The following GUCY2F variants were observed in gnomAD, a reference collection of about 807,000 sequenced individuals.
GUCY2F encodes guanylate cyclase 2F, retinal, also known as retinal guanylyl cyclase 2.
A neutral mutation model predicts 73.1 loss-of-function variants in GUCY2F; 61 were observed. The observed-to-expected ratio is 0.83, with a 90% CI of 0.68 to 1.03. The LOEUF (loss-of-function observed/expected upper bound fraction) is 1.03, where lower values mean the gene tolerates loss of function less well. Among genes scored for constraint, GUCY2F ranks in the 50% least tolerant of loss-of-function variants. GUCY2F has a pLI of 0.00. For missense variants in GUCY2F, 912 were observed against 854.3 expected (o/e 1.07, Z -0.84); for synonymous variants, 331 against 307.8 (o/e 1.08, Z -0.79).
intron 8 of GUCY2F, among the ~76,000 whole-genome samples, chrX:109,427,721 T>G (rs773609219): frequency 7.1e-5 from 8 of 112,313 alleles, no homozygotes; most frequent in Non-Finnish European, 1.3e-4. Context: ...ACATGGTAAA[T>G]TCTAGAAAAT....
chrX:109,401,902 C>T (rs1282093664), intron 10 of GUCY2F, among the ~76,000 whole-genome samples: 10 of 110,848 alleles, frequency 9.0e-5, no homozygotes, highest in Non-Finnish European at 1.9e-4. Flanking sequence ...AAGAGACAGC[C>T]TGGTGTAATG....
At chrX:109,390,154 T>C (rs182262793) in intron 14 of GUCY2F, among the ~76,000 whole-genome samples, 9 of 111,165 alleles carry the variant, frequency 8.1e-5, no homozygotes, top group African/African-American at 2.9e-4. Context: ...GATGAGGAGA[T>C]TAGAAGAGCA....
chrX:109,376,397 G>T (rs1162342975), intron 17 of GUCY2F, among the ~76,000 whole-genome samples: 3 of 111,897 alleles, frequency 2.7e-5, no homozygotes, highest in Admixed American at 1.9e-4. Context: ...TGGATGTTTG[G>T]CTTGACAGCA....
intron 17 of GUCY2F, among the ~76,000 whole-genome samples, chrX:109,381,099 G>C (rs1051148660): frequency 1.8e-5 from 2 of 111,986 alleles, no homozygotes; most frequent in Non-Finnish European, 3.8e-5. Flanking sequence ...GAAAAAACTA[G>C]GACTAGCCAT....
chrX:109,390,396 G>A (rs1295353554), intron 14 of GUCY2F, among the ~76,000 whole-genome samples: 1 of 111,809 alleles, frequency 8.9e-6, no homozygotes, highest in African/African-American at 3.3e-5. Flanking sequence ...AATTTTACAG[G>A]TAAAGAAAAT....
chrX:109,442,438 G>A (rs932336281), intron 6 of GUCY2F, among the ~76,000 whole-genome samples: 1 of 111,184 alleles, frequency 9.0e-6, no homozygotes, highest in Non-Finnish European at 1.9e-5. Context: ...GAAGTACATC[G>A]GGACTGGGAC....
At chrX:109,386,986 C>T (rs945180090) in intron 15 of GUCY2F, among the ~76,000 whole-genome samples, 5 of 111,956 alleles carry the variant, frequency 4.5e-5, no homozygotes, top group African/African-American at 1.6e-4. Flanking sequence ...GTGCTAAGAA[C>T]TCTGGATACA....
At chrX:109,463,673 G>A (rs1411956498) in intron 3 of GUCY2F, among the ~76,000 whole-genome samples, 4 of 110,873 alleles carry the variant, frequency 3.6e-5, no homozygotes, top group Admixed American at 9.5e-5. Flanking sequence ...TCCTGACCTC[G>A]TGATCCACCC....
chrX:109,453,718 G>T lies in GUCY2F; in HGVS notation c.1174C>A (p.Gln392Lys), dbSNP rs2147277655. The T allele has an allele frequency of 1.7e-6, 2 of 1,202,072 alleles. No individual in the cohort carries two copies. Among genetic ancestry groups the T allele is most frequent in the East Asian group, 3.0e-5 (1 of 33,813 alleles). ...CCATTTGAATCTGTCCTCATCAACT[G>T]GTTGAATCCATGGAACTGCATGTTT... Reference protein sequence around the residue: ...SRNMQFHGFNQLMRTDSNGNG... With the variant: ...SRNMQFHGFNKLMRTDSNGNG... Residue 392 changes from glutamine to lysine, a missense_variant, in exon 4 of 20, where the codon CAG becomes AAG. Gln to Lys is a moderately conservative substitution (Grantham distance 53, BLOSUM62 1). Coordinates refer to ENST00000218006, the MANE Select transcript of GUCY2F (RefSeq NM_001522.3).
chrX:109,455,853 T>C (rs1932247043), intron 3 of GUCY2F, among the ~76,000 whole-genome samples: 1 of 111,995 alleles, frequency 8.9e-6, no homozygotes, highest in Admixed American at 9.5e-5. Context: ...ATATCTCCAC[T>C]TGGATGTTAA....
intron 2 of GUCY2F, among the ~76,000 whole-genome samples, chrX:109,467,141 C>T (rs943404424): frequency 8.9e-6 from 1 of 112,439 alleles, no homozygotes; most frequent in Non-Finnish European, 1.9e-5. Context: ...TTTATAATCA[C>T]ACATTGTATC....
intron 16 of GUCY2F, among the ~76,000 whole-genome samples, chrX:109,384,237 G>A (rs1461132304): frequency 8.9e-6 from 1 of 112,398 alleles, no homozygotes; most frequent in Non-Finnish European, 1.9e-5. Context: ...TCAGGGACTA[G>A]TTTGAGTACA....
In GUCY2F at chrX:109,448,127, T is replaced by C. The variant is rs759484693; in HGVS notation, c.1511A>G (p.Asn504Ser). The C allele has an allele frequency of 1.2e-5, 13 of 1,120,555 alleles. No homozygotes were observed. The Admixed American group carries it at 2.2e-4, about 19-fold the overall frequency. 92.3% of individuals were successfully genotyped at this position (1,120,555 alleles called of 1,213,427 possible). A position where few individuals can be genotyped will look rare whatever the true frequency, so the allele number is the denominator to read the frequency against. The change falls in exon 6 of 20, where the codon AAT becomes AGT. Residue 504 changes from asparagine to serine, a missense_variant. Physicochemically the swap from Asn to Ser is conservative, Grantham distance 46 (BLOSUM62 1). Coordinates refer to ENST00000218006, the MANE Select transcript of GUCY2F (RefSeq NM_001522.3). ...ATCCTCCAAAGTCAGTAGAATTCTA[T>C]TGGGTCCTTTGATCAACTGGATTTT... ...INKIQLIKGPNRILLTLEDVT... is the reference protein window; with the variant it reads ...INKIQLIKGPSRILLTLEDVT...
At chrX:109,423,274 C>T (rs1413552497) in intron 8 of GUCY2F, among the ~76,000 whole-genome samples, 5 of 111,625 alleles carry the variant, frequency 4.5e-5, no homozygotes, top group Non-Finnish European at 9.4e-5. Flanking sequence ...TCTTTGCTTC[C>T]AGTCTGTAAA....
intron 2 of GUCY2F, among the ~76,000 whole-genome samples, chrX:109,470,636 C>T (rs1408829958): frequency 2.7e-5 from 3 of 111,001 alleles, no homozygotes; most frequent in East Asian, 2.8e-4. Context: ...CAGTGTGGTC[C>T]GTGGACCAGC....
intron 12 of GUCY2F, among the ~76,000 whole-genome samples, chrX:109,394,546 A>G (rs912686123): frequency 8.9e-6 from 1 of 112,216 alleles, no homozygotes; most frequent in African/African-American, 3.2e-5. Flanking sequence ...TACTCCAGCC[A>G]GGCACAAAAG....
intron 7 of GUCY2F, among the ~76,000 whole-genome samples, chrX:109,431,165 C>T (rs1027978321): frequency 1.8e-5 from 2 of 111,544 alleles, no homozygotes; most frequent in East Asian, 5.6e-4. Flanking sequence ...AAGGATTCAT[C>T]AGTCATAAAG....
chrX:109,463,847 A>T (rs1024280060), intron 3 of GUCY2F, among the ~76,000 whole-genome samples: 6 of 111,954 alleles, frequency 5.4e-5, no homozygotes, highest in African/African-American at 1.6e-4. Flanking sequence ...CCTTGGGACC[A>T]TAAGAGGAAC....
At position 109,441,367 on chromosome X, in the gene GUCY2F, T is replaced by C; in HGVS notation, c.1685A>G (p.Asn562Ser). 1.7e-6 allele frequency: 2 copies of C among 1,151,720 alleles called. No individual in the cohort carries two copies. Among genetic ancestry groups the C allele is most frequent in the South Asian group, 2.1e-5 (1 of 48,597 alleles). The allele number at this position is 1,151,720 out of a possible 1,213,427, so 94.9% of individuals were successfully genotyped here. ...SLTPATYENS[N>S]IAIYEGDWVW... ...ATATCTTACCTCATAAATCGCTATGTTGGAGTTTTCATAGGTAGCTGGAGT... is the reference window on the plus strand; with the variant it reads ...ATATCTTACCTCATAAATCGCTATGCTGGAGTTTTCATAGGTAGCTGGAGT... The change falls in exon 7 of 20, where the codon AAC becomes AGC. Residue 562 changes from asparagine (N) to serine (S), a missense_variant. Physicochemically the swap from Asn to Ser is conservative, Grantham distance 46. Transcript: ENST00000218006.
Sources: allele counts gnomAD v4.1 joint callset (sites outside exome capture counted in the v4.1 genomes callset), GRCh38; gene constraint gnomAD v4.1.1; transcripts MANE v1.5; gene names NCBI Gene and HGNC (gene_info 2026-07-23, HGNC 2026-07-21).